The following NRG3 variants were observed in gnomAD, a reference collection of about 807,000 sequenced individuals.
The protein encoded by NRG3 is pro-neuregulin-3, membrane-bound isoform.
A neutral mutation model predicts 66.9 loss-of-function variants in NRG3; 31 were observed. The observed-to-expected ratio is 0.46, with a 90% CI of 0.35 to 0.63. NRG3 has a LOEUF of 0.63. NRG3 is among the 20% of genes least tolerant of loss of function. NRG3 has a pLI of 0.00. For missense variants in NRG3, 910 were observed against 878.9 expected (o/e 1.04, Z -0.45); for synonymous variants, 393 against 359.4 (o/e 1.09, Z -1.06).
chr10:82,619,545 C>G (rs1425333933), intron 2 of NRG3, among the ~76,000 whole-genome samples: 1 of 152,186 alleles, frequency 6.6e-6, no homozygotes, highest in African/African-American at 2.4e-5. Flanking sequence ...CCTGATTGGT[C>G]TCCCTGAGAT....
At chr10:81,915,982 A>G (rs1845671470) in intron 1 of NRG3, among the ~76,000 whole-genome samples, 1 of 152,182 alleles carries the variant, frequency 6.6e-6, no homozygotes, top group Admixed American at 6.5e-5. Flanking sequence ...AAAGAAATAG[A>G]CAAATTAATT....
intron 3 of NRG3, among the ~76,000 whole-genome samples, chr10:82,830,727 A>C (rs576947346): frequency 6.6e-6 from 1 of 152,280 alleles, no homozygotes; most frequent in South Asian, 2.1e-4. Context: ...CTTGTAGCCT[A>C]TATGTTTGTG....
intron 1 of NRG3, among the ~76,000 whole-genome samples, chr10:82,239,648 C>A (rs1430166173): frequency 2.0e-5 from 3 of 152,144 alleles, no homozygotes; most frequent in Non-Finnish European, 4.4e-5. Flanking sequence ...ATTCTGTAAT[C>A]TATGACTTTT....
intron 4 of NRG3, among the ~76,000 whole-genome samples, chr10:82,888,058 T>C (rs950154891): frequency 1.6e-4 from 25 of 152,350 alleles, no homozygotes; most frequent in African/African-American, 5.8e-4. Context: ...TATTATGGCA[T>C]CATTGTGTAT....
Position 82,334,946 on chromosome 10 carries a change from G to A in NRG3, c.824-23793G>A, listed in dbSNP as rs540549922. On this transcript the variant is annotated intron_variant, in intron 1 of 8. Coordinates refer to ENST00000372141, the MANE Select transcript of NRG3 (RefSeq NM_001010848.4). ...AGCATTTATTGATTACACACTACAT[G>A]TTGTTACATACATTCATTTATATAA... is the stretch of plus-strand genomic sequence containing the variant. 3.7e-4 allele frequency among the ~76,000 whole-genome samples: 57 copies of A among 152,280 alleles called. No individual in the cohort carries two copies. In the South Asian group the frequency reaches 0.011, roughly 30 times the overall value.
At chr10:82,205,421 CCAGA>C (rs1183164057) in intron 1 of NRG3, among the ~76,000 whole-genome samples, 1 of 152,048 alleles carries the variant, frequency 6.6e-6, no homozygotes, top group African/African-American at 2.4e-5. Context: ...GAAAAGATAG[CCAGA>C]CAGACTCCAG....
intron 2 of NRG3, among the ~76,000 whole-genome samples, chr10:82,675,343 A>T (rs1257782800): frequency 6.6e-6 from 1 of 152,152 alleles, no homozygotes; most frequent in Non-Finnish European, 1.5e-5. Flanking sequence ...GGGTGAAGTC[A>T]TAGGGTTATG....
intron 1 of NRG3, among the ~76,000 whole-genome samples, chr10:82,216,538 G>A (rs116417672): frequency 0.11 from 15,899 of 146,444 alleles, 944 homozygotes; most frequent in Middle Eastern, 0.18. Context: ...ATGTGTGTGT[G>A]TACACATATG....
chr10:82,564,604 TAGAG>T (rs2045271250), intron 2 of NRG3, among the ~76,000 whole-genome samples: 1 of 152,066 alleles, frequency 6.6e-6, no homozygotes, highest in Admixed American at 6.6e-5. Flanking sequence ...CTTTGAACCA[TAGAG>T]AAAGAGAAAT....
rs966734312 is a variant in NRG3 at position 82,567,796 on chromosome 10, A to G, written c.954-170781A>G. On this transcript the variant is annotated intron_variant, in intron 2 of 8. Coordinates refer to ENST00000372141, the MANE Select transcript of NRG3 (RefSeq NM_001010848.4). ...AGAGGTAGTTTCTTTACACCATTACAAATGATTTTTTTCTTTAATGAAGGC... is the reference window on the plus strand; with the variant it reads ...AGAGGTAGTTTCTTTACACCATTACGAATGATTTTTTTCTTTAATGAAGGC... Among the ~76,000 whole-genome samples the G allele has an allele frequency of 1.8e-4, 27 of 151,912 alleles. 1 individual carries two copies. Among genetic ancestry groups the G allele is most frequent in the African/African-American group, 5.3e-4 (22 of 41,392 alleles).
chr10:81,988,766 G>A (rs78589256), intron 1 of NRG3, among the ~76,000 whole-genome samples: 5,789 of 152,180 alleles, frequency 0.038, 141 homozygotes, highest in Non-Finnish European at 0.055. Context: ...ATTATTAGAA[G>A]GCTGATAAGG....
intron 2 of NRG3, among the ~76,000 whole-genome samples, chr10:82,474,110 T>C (rs1268746073): frequency 6.6e-6 from 1 of 152,072 alleles, no homozygotes; most frequent in Non-Finnish European, 1.5e-5. Context: ...GATGAGTGAA[T>C]GCCTTCTTCT....
In NRG3 at chr10:82,903,054, A is replaced by T. The variant is rs1009293215; in HGVS notation, c.1054+37617A>T. The stretch of plus-strand genomic sequence containing the variant: ...TCATTAACTACCATAAAATATGCAC[A>T]AATTTACTATAAAAAGTTAAAAGTT... On this transcript the variant is annotated intron_variant, in intron 4 of 8. Coordinates refer to ENST00000372141, the MANE Select transcript of NRG3 (RefSeq NM_001010848.4). 2.6e-5 allele frequency among the ~76,000 whole-genome samples: 4 copies of T among 152,134 alleles called. No homozygotes were observed. The South Asian group carries it at 8.3e-4, about 32-fold the overall frequency.
At chr10:82,414,563 G>T (rs1182294771) in intron 2 of NRG3, among the ~76,000 whole-genome samples, 1 of 152,152 alleles carries the variant, frequency 6.6e-6, no homozygotes, top group South Asian at 2.1e-4. Flanking sequence ...TCGATGCAGG[G>T]TTGTCACAAA....
intron 2 of NRG3, among the ~76,000 whole-genome samples, chr10:82,642,243 A>G (rs912976474): frequency 2.7e-5 from 4 of 149,426 alleles, no homozygotes; most frequent in Admixed American, 2.0e-4. Context: ...TCCTCTATCA[A>G]CAAGTAACCA....
chr10:82,051,319 A>G (rs539200209), intron 1 of NRG3, among the ~76,000 whole-genome samples: 1 of 151,712 alleles, frequency 6.6e-6, no homozygotes, highest in East Asian at 1.9e-4. Context: ...TGCCACTTAC[A>G]TTGTTTGAAG....
At chr10:82,489,565 T>G (rs1169460750) in intron 2 of NRG3, among the ~76,000 whole-genome samples, 4 of 152,064 alleles carry the variant, frequency 2.6e-5, no homozygotes, top group Admixed American at 2.0e-4. Flanking sequence ...ACCCTCAACC[T>G]AAGGTATTGT....
At chr10:82,053,376 G>A (rs1363223733) in intron 1 of NRG3, among the ~76,000 whole-genome samples, 2 of 152,086 alleles carry the variant, frequency 1.3e-5, no homozygotes, top group East Asian at 1.9e-4. Flanking sequence ...TCAGAGATCC[G>A]GGCTGAGGAA....
intron 2 of NRG3, among the ~76,000 whole-genome samples, chr10:82,572,033 A>G (rs2133123096): frequency 1.3e-5 from 2 of 151,790 alleles, no homozygotes; most frequent in African/African-American, 4.8e-5. Flanking sequence ...TATGTGTATT[A>G]CTGTCATGTT....
Sources: gnomAD v4.1 joint callset for allele counts (sites outside exome capture counted in the v4.1 genomes callset) on GRCh38, gnomAD v4.1.1 for gene constraint, MANE v1.5 for transcripts, NCBI Gene and HGNC (gene_info 2026-07-23, HGNC 2026-07-21) for gene names.